EMC2: variants seen among roughly 807,000 people sequenced by gnomAD.
EMC2 encodes TPR repeat protein 35.
Under a neutral mutation model 51.6 loss-of-function variants are expected in EMC2, and 37 were observed. That is an observed-to-expected ratio of 0.72 (90% CI 0.55 to 0.94). EMC2 has a LOEUF of 0.94. Among genes scored for constraint, EMC2 ranks in the 40% least tolerant of loss-of-function variants. The probability of loss-of-function intolerance (pLI) is 0.00; values close to 1 mark genes in which losing one functional copy is unlikely to be tolerated. For missense variants in EMC2, 359 were observed against 350.9 expected, an observed-to-expected ratio of 1.02 and a Z score of -0.18; for synonymous variants, 131 against 112.4, an observed-to-expected ratio of 1.17 and a Z score of -1.04.
intron 5 of EMC2, among the ~76,000 whole-genome samples, chr8:108,463,533 C>G (rs187124748): frequency 7.9e-4 from 120 of 152,256 alleles, no homozygotes; most frequent in Non-Finnish European, 1.5e-3. Flanking sequence ...GAATGCCTTT[C>G]AGAAAGCAGA....
At chr8:108,470,367 C>G (rs1219842880) in intron 7 of EMC2, among the ~76,000 whole-genome samples, 1 of 152,120 alleles carries the variant, frequency 6.6e-6, no homozygotes, top group Non-Finnish European at 1.5e-5. Context: ...ATAAGTTTTT[C>G]TTTCAAATAT....
At chr8:108,455,375 T>C (rs2130349414) in intron 4 of EMC2, among the ~76,000 whole-genome samples, 1 of 152,302 alleles carries the variant, frequency 6.6e-6, no homozygotes, top group Admixed American at 6.5e-5. Flanking sequence ...TCTTTTGCAT[T>C]GTTTTTGATT....
At chr8:108,443,917 G>A (rs1430967960) in intron 1 of EMC2, among the ~76,000 whole-genome samples, 1 of 152,270 alleles carries the variant, frequency 6.6e-6, no homozygotes, top group East Asian at 1.9e-4. Flanking sequence ...CGGTTGACCT[G>A]CCCTCCTCCG....
chr8:108,456,401 G>A (rs962320335), intron 5 of EMC2, among the ~76,000 whole-genome samples: 3 of 149,204 alleles, frequency 2.0e-5, no homozygotes, highest in African/African-American at 7.4e-5. Context: ...GGGGCTAGTT[G>A]AGATTTGGAA....
At chr8:108,462,669 C>A (rs1448889481) in intron 5 of EMC2, among the ~76,000 whole-genome samples, 4 of 152,030 alleles carry the variant, frequency 2.6e-5, no homozygotes, top group Admixed American at 2.6e-4. Flanking sequence ...TTAATAGTTG[C>A]CAGTCTAATT....
In EMC2 at chr8:108,470,168, C is replaced by G. The variant is rs752102266; in HGVS notation, c.509+47C>G. The stretch of plus-strand genomic sequence containing the variant: ...ATTTTGTTGAGTGCAGTTTTCATCA[C>G]TGTAAGTTCAGAAAGCACTGTGGTT... On this transcript the variant is annotated intron_variant, in intron 7 of 10. Transcript: ENST00000220853. The G allele has an allele frequency of 2.3e-6, 3 of 1,330,990 alleles. No homozygotes were observed. In the South Asian group the frequency reaches 3.6e-5, roughly 16 times the overall value. 82.4% of individuals were successfully genotyped at this position (1,330,990 alleles called of 1,614,324 possible).
At position 108,453,113 on chromosome 8, in the gene EMC2, C is replaced by T. The variant is rs758473258; in HGVS notation, c.271C>T (p.Arg91Ter). 10 of 1,607,032 alleles carry T rather than the reference C, an allele frequency of 6.2e-6. No individual in the cohort carries two copies. The highest frequency in any genetic ancestry group is 1.7e-5 in the Admixed American group (1 of 59,172). Residue 91 changes from arginine (R) to a stop codon, truncating the protein, a stop_gained, in exon 4 of 11, where the codon CGA becomes TGA. Coordinates refer to ENST00000220853, the MANE Select transcript of EMC2 (RefSeq NM_014673.5). LOFTEE classifies it high-confidence loss of function. ...GTTCCCTGGCAGTCACAGAGTCAAG[C>T]GATTAACAGGCATGAGATTTGAAGC... ...RQFPGSHRVKRLTGMRFEAME... is the reference protein window; with the variant it reads ...RQFPGSHRVK
In EMC2 at chr8:108,487,299, T is replaced by C. The variant is rs567786374; in HGVS notation, c.*701T>C. Among the ~76,000 whole-genome samples, 15 of 152,178 alleles carry C rather than the reference T, an allele frequency of 9.9e-5. No individual in the cohort carries two copies. The highest frequency in any genetic ancestry group is 3.4e-4 in the African/African-American group (14 of 41,566). On this transcript the variant is annotated 3_prime_UTR_variant, in exon 11 of 11. Transcript: ENST00000220853. ...ATGCAAGTTATATTTATTGAATCCT[T>C]TAATAGTAAATTACATGAAAGAATA...
chr8:108,464,255 C>T (rs1399779124), intron 5 of EMC2: 1 of 152,162 alleles, frequency 6.6e-6, no homozygotes, highest in Non-Finnish European at 1.5e-5. Flanking sequence ...AAAAGGGTTC[C>T]TTTTGGTAAA....
chr8:108,460,004 C>G (rs1449165544), intron 5 of EMC2, among the ~76,000 whole-genome samples: 1 of 152,112 alleles, frequency 6.6e-6, no homozygotes, highest in South Asian at 2.1e-4. Context: ...AGAAAAAGCA[C>G]CCATTTTTTT....
intron 10 of EMC2, among the ~76,000 whole-genome samples, chr8:108,483,075 A>G (rs1389276264): frequency 6.6e-6 from 1 of 152,092 alleles, no homozygotes; most frequent in Non-Finnish European, 1.5e-5. Flanking sequence ...TGATATAATT[A>G]TTAGCTATGC....
At chr8:108,453,015 C>T (rs1819064398) in intron 3 of EMC2, 47 bp from the exon 4 acceptor site, 1 of 1,006,398 alleles carries the variant, frequency 9.9e-7, no homozygotes, top group South Asian at 1.5e-5. Context: ...CATTGTAGCC[C>T]ATTTAGTATA....
intron 8 of EMC2, among the ~76,000 whole-genome samples, chr8:108,476,281 A>G (rs146647281): frequency 2.4e-4 from 37 of 151,972 alleles, no homozygotes; most frequent in Non-Finnish European, 4.9e-4. Context: ...TGTTAAATCC[A>G]TATTCTGGGA....
At chr8:108,453,202 A>AT (rs1819070893) in intron 4 of EMC2, 55 bp downstream of exon 4, 6 of 1,054,462 alleles carry the variant, frequency 5.7e-6, no homozygotes, top group South Asian at 3.1e-5. Flanking sequence ...TGGTGGTGTT[A>AT]ATTTTTTTTT....
chr8:108,484,736 T>C (rs1383116704), intron 10 of EMC2, among the ~76,000 whole-genome samples: 2 of 152,010 alleles, frequency 1.3e-5, no homozygotes, highest in East Asian at 3.8e-4. Flanking sequence ...CGTTCCTATT[T>C]ATGTTTCATA....
At chr8:108,463,759 A>G (rs1261116102) in intron 5 of EMC2, among the ~76,000 whole-genome samples, 4 of 152,138 alleles carry the variant, frequency 2.6e-5, no homozygotes, top group Non-Finnish European at 4.4e-5. Context: ...GAGCCACTCT[A>G]TCTTCAGAAC....
intron 5 of EMC2, among the ~76,000 whole-genome samples, chr8:108,459,400 A>G (rs989031121): frequency 2.0e-5 from 3 of 152,132 alleles, no homozygotes; most frequent in Non-Finnish European, 2.9e-5. Context: ...CAATTTACAA[A>G]AGAATAAGGT....
chr8:108,484,562 T>A, intron 10 of EMC2, among the ~76,000 whole-genome samples: 1 of 152,056 alleles, frequency 6.6e-6, no homozygotes, highest in East Asian at 1.9e-4. Flanking sequence ...ATACATGTTA[T>A]GGTTTTAGCT....
chr8:108,460,176 C>T (rs986068968), intron 5 of EMC2, among the ~76,000 whole-genome samples: 4 of 152,112 alleles, frequency 2.6e-5, no homozygotes, highest in South Asian at 2.1e-4. Flanking sequence ...GGTTAAAAAT[C>T]GATGGAATTT....
Sources: gnomAD v4.1 joint callset for allele counts (sites outside exome capture counted in the v4.1 genomes callset) on GRCh38, gnomAD v4.1.1 for gene constraint, MANE v1.5 for transcripts, NCBI Gene and HGNC (gene_info 2026-07-23, HGNC 2026-07-21) for gene names.